The following WDR59 variants were observed in gnomAD, a reference collection of about 807,000 sequenced individuals.
The protein encoded by WDR59 is WD repeat domain 59, also known as GATOR2 complex protein WDR59.
WDR59 carries 100 observed loss-of-function variants against 131.2 expected under a neutral mutation model. That is an observed-to-expected ratio of 0.76 (90% CI 0.65 to 0.90). WDR59 has a LOEUF of 0.90. WDR59 is among the 40% of genes least tolerant of loss of function. The probability of loss-of-function intolerance (pLI) is 0.00; values close to 1 mark genes in which losing one functional copy is unlikely to be tolerated. For synonymous variants in WDR59, 601 were observed against 466.2 expected (o/e 1.29, Z -3.72); for missense variants, 1,203 against 1,262.2 (o/e 0.95, Z 0.71).
At chr16:74,973,104 T>C (rs1182848832) in intron 1 of WDR59, among the ~76,000 whole-genome samples, 2 of 151,512 alleles carry the variant, frequency 1.3e-5, no homozygotes, top group Admixed American at 6.6e-5. Flanking sequence ...AGCCAGGTGT[T>C]GTGGCGCATG....
At chr16:74,921,643 C>A (rs1178079653) in intron 10 of WDR59, among the ~76,000 whole-genome samples, 1 of 152,206 alleles carries the variant, frequency 6.6e-6, no homozygotes, top group African/African-American at 2.4e-5. Context: ...AGCCCAGAGT[C>A]TTTCAGTCCC....
chr16:74,933,597 T>C (rs181355543), intron 8 of WDR59, among the ~76,000 whole-genome samples: 3 of 152,316 alleles, frequency 2.0e-5, no homozygotes, highest in East Asian at 1.9e-4. Context: ...TATTTATTTA[T>C]TTATTGAGAT....
intron 18 of WDR59, among the ~76,000 whole-genome samples, chr16:74,897,325 G>A (rs1242883434): frequency 6.6e-6 from 1 of 152,164 alleles, no homozygotes; most frequent in Non-Finnish European, 1.5e-5. Flanking sequence ...TTAGGCTTTG[G>A]GGTTTGTTAG....
intron 17 of WDR59, among the ~76,000 whole-genome samples, chr16:74,905,579 G>A (rs1300267860): frequency 6.6e-6 from 1 of 151,700 alleles, no homozygotes; most frequent in Non-Finnish European, 1.5e-5. Flanking sequence ...CTACTCGGGA[G>A]GCTGAGGCAG....
In WDR59 at chr16:74,928,212, T is replaced by G. The variant is rs1039102112; in HGVS notation, c.652-4209A>C. On this transcript the variant is annotated intron_variant, in intron 8 of 25. Coordinates refer to ENST00000262144, the MANE Select transcript of WDR59 (RefSeq NM_030581.4). ...TGAGCCACTGCATCCAGGTTTTTTTTTTTTTTTTTTTTGAGACAGAAGACA... is the reference window on the plus strand; with the variant it reads ...TGAGCCACTGCATCCAGGTTTTTTTGTTTTTTTTTTTTGAGACAGAAGACA... 2.0e-3 allele frequency among the ~76,000 whole-genome samples: 302 copies of G among 149,410 alleles called. 2 individuals carry two copies. Among genetic ancestry groups the G allele is most frequent in the African/African-American group, 7.2e-3 (293 of 40,606 alleles).
At chr16:74,981,633 TATATATATATATATA>T (rs1184568179) in intron 1 of WDR59, among the ~76,000 whole-genome samples, 341 of 17,566 alleles carry the variant, frequency 0.019, 16 homozygotes, top group African/African-American at 0.065. Context: ...TATATATATA[TATATATATATATATA>T]TATATATATA....
At chr16:74,949,887 T>C in intron 4 of WDR59, 89 bp from the exon 5 acceptor site, 1 of 1,160,288 alleles carries the variant, frequency 8.6e-7, no homozygotes, top group South Asian at 1.3e-5. Flanking sequence ...CTCCAGTGGC[T>C]TCAGAATGTC....
chr16:74,976,466 G>A (rs1448938431), intron 1 of WDR59, among the ~76,000 whole-genome samples: 3 of 144,508 alleles, frequency 2.1e-5, no homozygotes, highest in African/African-American at 5.1e-5. Context: ...CTTTTGAGAC[G>A]CAGCCTTACC....
At chr16:74,948,486 C>T (rs752541593) in intron 6 of WDR59, 33 bp downstream of exon 6, 10 of 1,603,742 alleles carry the variant, frequency 6.2e-6, no homozygotes, top group South Asian at 3.3e-5. Context: ...CAAACCAAGG[C>T]GCCAGGGTGA....
intron 18 of WDR59, among the ~76,000 whole-genome samples, chr16:74,902,611 G>C (rs1434099626): frequency 6.6e-6 from 1 of 151,972 alleles, no homozygotes; most frequent in Non-Finnish European, 1.5e-5. Context: ...ACACAAATCG[G>C]AGAGGAATTC....
chr16:74,878,244 G>A (rs1212315810), intron 25 of WDR59, among the ~76,000 whole-genome samples: 1 of 152,200 alleles, frequency 6.6e-6, no homozygotes, highest in Non-Finnish European at 1.5e-5. Context: ...GATTATTAAT[G>A]GGAATTTTTC....
chr16:74,932,067 T>A (rs1032719257), intron 8 of WDR59, among the ~76,000 whole-genome samples: 4 of 149,988 alleles, frequency 2.7e-5, no homozygotes, highest in Non-Finnish European at 5.9e-5. Flanking sequence ...AAGCATAATT[T>A]TATATATACA....
At chr16:74,896,155 T>C (rs527454116) in intron 18 of WDR59, among the ~76,000 whole-genome samples, 1 of 152,250 alleles carries the variant, frequency 6.6e-6, no homozygotes, top group Admixed American at 6.5e-5. Context: ...TAATTTGGTC[T>C]TCTGGATAGG....
intron 18 of WDR59, among the ~76,000 whole-genome samples, chr16:74,902,400 G>A (rs1317930874): frequency 1.3e-5 from 2 of 151,382 alleles, no homozygotes; most frequent in Admixed American, 6.6e-5. Flanking sequence ...AATTATCCAC[G>A]TGCTCTTGGT....
chr16:74,888,236 C>A lies in WDR59; in HGVS notation c.2279G>T (p.Gly760Val), dbSNP rs1230676604. 4.3e-6 allele frequency: 7 copies of A among 1,614,004 alleles called. No individual in the cohort carries two copies. The highest frequency in any genetic ancestry group is 1.3e-5 in the African/African-American group (1 of 74,918). The change falls in exon 22 of 26, where the codon GGG becomes GTG. Residue 760 changes from glycine to valine, a missense_variant. Physicochemically the swap from Gly to Val is moderately radical, Grantham distance 109. Transcript: ENST00000262144. Reference sequence around the variant, plus strand: ...AAAAGGCCCAAAGGGGTTTGGTAGCCCCTGAGGCCGAGACTGGGCTTCAAA... The same window carrying A: ...AAAAGGCCCAAAGGGGTTTGGTAGCACCTGAGGCCGAGACTGGGCTTCAAA... ...SVFEAQSRPQ[G>V]LPNPFGPFPN...
At position 74,873,174 on chromosome 16, in the gene WDR59, T is replaced by G. The variant is rs1264309158; in HGVS notation, c.*1035A>C. 6.6e-6 allele frequency: 1 copy of G among 152,156 alleles called. No homozygotes were observed. Among genetic ancestry groups the G allele is most frequent in the African/African-American group, 2.4e-5 (1 of 41,398 alleles). The allele number at this position is 152,156 out of a possible 1,614,324, so 9.4% of individuals were successfully genotyped here. A position where few individuals can be genotyped will look rare whatever the true frequency, so the allele number is the denominator to read the frequency against. ...ATCCTCCCACCTCAGCCTCCCAAAG[T>G]GCTGGGATTACAGGCATGAGCCACC... On this transcript the variant is annotated 3_prime_UTR_variant, in exon 26 of 26. Coordinates refer to ENST00000262144, the MANE Select transcript of WDR59 (RefSeq NM_030581.4).
At chr16:74,886,194 A>G in intron 24 of WDR59, 76 bp downstream of exon 24, 1 of 1,503,222 alleles carries the variant, frequency 6.7e-7, no homozygotes, top group South Asian at 1.2e-5. Flanking sequence ...AAAAAAAGTA[A>G]GAGTTGTGAT....
chr16:74,893,376 G>A (rs9923502), intron 19 of WDR59, among the ~76,000 whole-genome samples: 7,202 of 152,176 alleles, frequency 0.047, 597 homozygotes, highest in African/African-American at 0.16. Context: ...AAGCTTGGAA[G>A]AGGAGCTTTG....
chr16:74,940,689 T>A (rs1429084613), intron 7 of WDR59, among the ~76,000 whole-genome samples: 1 of 152,024 alleles, frequency 6.6e-6, no homozygotes, highest in Non-Finnish European at 1.5e-5. Flanking sequence ...GTCCTAAGTA[T>A]CATTATTTTA....
Sources: allele counts gnomAD v4.1 joint callset (sites outside exome capture counted in the v4.1 genomes callset), GRCh38; gene constraint gnomAD v4.1.1; transcripts MANE v1.5; gene names NCBI Gene and HGNC (gene_info 2026-07-23, HGNC 2026-07-21).